Variants in TMPRSS15 observed in about 807,000 individuals in gnomAD.
TMPRSS15 encodes transmembrane serine protease 15, also known as enteropeptidase.
A neutral mutation model predicts 125.3 loss-of-function variants in TMPRSS15; 128 were observed. That is an observed-to-expected ratio of 1.02 (90% CI 0.89 to 1.18). The LOEUF (loss-of-function observed/expected upper bound fraction) is 1.18. TMPRSS15 is among the 50% of genes most tolerant of loss of function. The probability of loss-of-function intolerance (pLI) is 0.00; values close to 1 mark genes in which losing one functional copy is unlikely to be tolerated. For missense variants in TMPRSS15, 1,283 were observed against 1,212.7 expected (o/e 1.06, Z -0.86); for synonymous variants, 446 against 423.2 (o/e 1.05, Z -0.66).
intron 17 of TMPRSS15, among the ~76,000 whole-genome samples, chr21:18,314,512 A>G (rs761479000): frequency 2.0e-5 from 3 of 152,156 alleles, no homozygotes; most frequent in African/African-American, 4.8e-5. Context: ...TCCTGACCTC[A>G]GATGATCTGC....
intron 8 of TMPRSS15, 34 bp from the exon 9 acceptor site, chr21:18,353,897 ATATC>A (rs2075598734): frequency 6.3e-7 from 1 of 1,585,376 alleles, no homozygotes; most frequent in African/African-American, 1.3e-5. Context: ...TTATATGTAT[ATATC>A]TATCTGTTCA....
At chr21:18,298,369 A>T (rs916513376) in intron 18 of TMPRSS15, among the ~76,000 whole-genome samples, 1 of 152,218 alleles carries the variant, frequency 6.6e-6, no homozygotes, top group Non-Finnish European at 1.5e-5. Flanking sequence ...AAAGGCTAAC[A>T]AGCCCTAATT....
chr21:18,306,459 C>G (rs949879630), intron 18 of TMPRSS15, among the ~76,000 whole-genome samples: 2 of 151,934 alleles, frequency 1.3e-5, no homozygotes, highest in African/African-American at 4.8e-5. Context: ...ATGGAAGAAC[C>G]TTGGGGTAAT....
rs778689394 is a variant in TMPRSS15 at position 18,343,658 on chromosome 21, T to C, written c.1278-2A>G. On this transcript the variant is annotated splice_acceptor_variant, in intron 11 of 24. Transcript: ENST00000284885. LOFTEE classifies it high-confidence loss of function. ...ACATTTTCACCATACATATGATACC[T>C]AGTTTGGAAAGAAGCAAAAATGTTT... 21 of 1,613,326 alleles carry C rather than the reference T, an allele frequency of 1.3e-5. 1 individual carries two copies. The South Asian group carries it at 2.1e-4, about 16-fold the overall frequency.
At chr21:18,470,020 A>T (rs1475295644) in intron 1 of TMPRSS15, among the ~76,000 whole-genome samples, 1 of 152,054 alleles carries the variant, frequency 6.6e-6, no homozygotes, top group Non-Finnish European at 1.5e-5. Flanking sequence ...ATTGTTATTT[A>T]CTTGGGTCTA....
intron 16 of TMPRSS15, among the ~76,000 whole-genome samples, chr21:18,319,760 C>T (rs1006963306): frequency 5.3e-5 from 8 of 152,106 alleles, no homozygotes; most frequent in African/African-American, 9.7e-5. Context: ...CATTTTTACT[C>T]CATGTGCTAG....
chr21:18,467,571 A>G (rs987174984), intron 1 of TMPRSS15, among the ~76,000 whole-genome samples: 7 of 152,074 alleles, frequency 4.6e-5, no homozygotes, highest in African/African-American at 1.4e-4. Context: ...CAAAATACCT[A>G]ACATACCAGA....
intron 1 of TMPRSS15, among the ~76,000 whole-genome samples, chr21:18,440,264 A>C (rs559583227): frequency 6.7e-6 from 1 of 148,510 alleles, no homozygotes; most frequent in Non-Finnish European, 1.5e-5. Context: ...TCCCAGCTAC[A>C]CGGGAGGCTG....
chr21:18,456,798 C>A (rs1978449996), intron 1 of TMPRSS15, among the ~76,000 whole-genome samples: 2 of 152,008 alleles, frequency 1.3e-5, no homozygotes, highest in African/African-American at 4.8e-5. Flanking sequence ...TGTTCAAACT[C>A]AATAAAGATT....
chr21:18,420,902 C>T (rs1393861767), intron 1 of TMPRSS15, among the ~76,000 whole-genome samples: 1 of 152,234 alleles, frequency 6.6e-6, no homozygotes, highest in Middle Eastern at 3.4e-3. Flanking sequence ...GGCTTTAACA[C>T]TTAAAACATC....
intron 13 of TMPRSS15, among the ~76,000 whole-genome samples, chr21:18,336,228 A>T (rs2075391401): frequency 6.6e-6 from 1 of 152,200 alleles, no homozygotes; most frequent in Non-Finnish European, 1.5e-5. Context: ...AAAGATATTT[A>T]TGGCAAAACA....
chr21:18,475,148 A>G (rs139629639), intron 1 of TMPRSS15, among the ~76,000 whole-genome samples: 109 of 152,094 alleles, frequency 7.2e-4, no homozygotes, highest in South Asian at 3.5e-3. Context: ...TATCAATCCA[A>G]TAGAGATTCG....
intron 12 of TMPRSS15, among the ~76,000 whole-genome samples, 198 bp from the exon 13 acceptor site, chr21:18,341,746 T>C (rs1200971646): frequency 6.6e-6 from 1 of 152,130 alleles, no homozygotes; most frequent in African/African-American, 2.4e-5. Context: ...CCAACCCCCT[T>C]ATTATGTGTT....
chr21:18,328,314 C>A (rs538876769), intron 15 of TMPRSS15, among the ~76,000 whole-genome samples: 5 of 152,072 alleles, frequency 3.3e-5, no homozygotes, highest in African/African-American at 1.2e-4. Flanking sequence ...GGTACCTACA[C>A]AGAAGCAGCT....
intron 23 of TMPRSS15, among the ~76,000 whole-genome samples, chr21:18,277,055 C>G (rs865948858): frequency 6.6e-6 from 1 of 151,930 alleles, no homozygotes; most frequent in African/African-American, 2.4e-5. Context: ...CATGAGCCAC[C>G]GCACCCGGCC....
intron 5 of TMPRSS15, among the ~76,000 whole-genome samples, chr21:18,376,359 A>T (rs1482413935): frequency 1.3e-5 from 2 of 152,172 alleles, no homozygotes; most frequent in Non-Finnish European, 2.9e-5. Flanking sequence ...CTTTTCTCAA[A>T]TGCAGAAAAA....
chr21:18,361,742 T>A (rs1232932102), intron 7 of TMPRSS15, among the ~76,000 whole-genome samples: 1 of 152,120 alleles, frequency 6.6e-6, no homozygotes, highest in Non-Finnish European at 1.5e-5. Flanking sequence ...TGAAGTTTAG[T>A]CTTCAAGTAG....
intron 1 of TMPRSS15, among the ~76,000 whole-genome samples, chr21:18,411,221 A>G (rs2076165168): frequency 6.6e-6 from 1 of 152,120 alleles, no homozygotes; most frequent in Non-Finnish European, 1.5e-5. Context: ...TAAAAAGTGT[A>G]TTTGCCATTC....
At chr21:18,275,944 G>A (rs2074614827) in intron 23 of TMPRSS15, among the ~76,000 whole-genome samples, 1 of 152,172 alleles carries the variant, frequency 6.6e-6, no homozygotes, top group Non-Finnish European at 1.5e-5. Flanking sequence ...TCATCCACTA[G>A]AAGTACGAAT....
Sources: gnomAD v4.1 joint callset for allele counts (sites outside exome capture counted in the v4.1 genomes callset) on GRCh38, gnomAD v4.1.1 for gene constraint, MANE v1.5 for transcripts, NCBI Gene and HGNC (gene_info 2026-07-23, HGNC 2026-07-21) for gene names.